LGI2: variants seen among roughly 807,000 people sequenced by gnomAD.
The protein encoded by LGI2 is leucine-rich repeat LGI family member 2.
A neutral mutation model predicts 52.0 loss-of-function variants in LGI2; 30 were observed. That is an observed-to-expected ratio of 0.58 (90% CI 0.43 to 0.78). LGI2 has a LOEUF of 0.78. LGI2 is among the 30% of genes least tolerant of loss of function. The probability of loss-of-function intolerance (pLI) is 0.00; values close to 1 mark genes in which losing one functional copy is unlikely to be tolerated. For synonymous variants in LGI2, 270 were observed against 271.8 expected (o/e 0.99, Z 0.06); for missense variants, 573 against 692.5 (o/e 0.83, Z 1.94).
intron 4 of LGI2, among the ~76,000 whole-genome samples, chr4:25,021,894 G>GCA (rs1468363409): frequency 7.3e-6 from 1 of 137,806 alleles, no homozygotes; most frequent in Non-Finnish European, 1.5e-5. Context: ...TTGCACCACT[G>GCA]CACTCCAGCC....
intron 3 of LGI2, among the ~76,000 whole-genome samples, chr4:25,026,301 A>T (rs565509560): frequency 2.0e-5 from 3 of 152,246 alleles, no homozygotes; most frequent in African/African-American, 7.2e-5. Context: ...GGCAGAAATC[A>T]GAACAAGGGC....
chr4:25,008,916 C>T lies in LGI2; in HGVS notation c.820+3419G>A, dbSNP rs368420225. 9.2e-5 allele frequency among the ~76,000 whole-genome samples: 14 copies of T among 152,318 alleles called. 1 individual carries two copies. In the East Asian group the frequency reaches 1.9e-3, roughly 21 times the overall value. On this transcript the variant is annotated intron_variant, in intron 7 of 7. Coordinates refer to ENST00000382114, the MANE Select transcript of LGI2 (RefSeq NM_018176.4). ...TGGCCCCAGCCACACCCACTCGGAT[C>T]GCACTGACTTCCTCCCCACCAGCTC...
In LGI2 at chr4:25,019,252, GTCACATTGCAATGT is replaced by G; in HGVS notation, c.414-28_414-15del. ...TTGGCCAAAGAACTAGAACAAGAAA[GTCACATTGCAATGT>G]GATTATTATCTCATGCCCTGTCACT... is the stretch of plus-strand genomic sequence containing the variant. On this transcript the variant is annotated splice_polypyrimidine_tract_variant and intron_variant, in intron 4 of 7. Coordinates refer to ENST00000382114, the MANE Select transcript of LGI2 (RefSeq NM_018176.4). 1 of 1,570,116 alleles carries G rather than the reference GTCACATTGCAATGT, an allele frequency of 6.4e-7. No individual in the cohort carries two copies. Among genetic ancestry groups the G allele is most frequent in the Non-Finnish European group, 8.7e-7 (1 of 1,143,628 alleles).
chr4:25,018,487 C>T (rs1359071801), intron 5 of LGI2, among the ~76,000 whole-genome samples: 1 of 152,212 alleles, frequency 6.6e-6, no homozygotes, highest in East Asian at 1.9e-4. Flanking sequence ...CAGCCCCCAA[C>T]AGAGGTTCTC....
intron 7 of LGI2, among the ~76,000 whole-genome samples, chr4:25,007,229 C>A (rs2324638): frequency 8.2e-4 from 122 of 149,022 alleles, no homozygotes; most frequent in Non-Finnish European, 1.3e-3. Context: ...TGTAAAATAA[C>A]GTTTCCTTTA....
At chr4:25,011,295 A>G (rs1034889602) in intron 7 of LGI2, among the ~76,000 whole-genome samples, 16 of 152,010 alleles carry the variant, frequency 1.1e-4, no homozygotes, top group African/African-American at 3.9e-4. Flanking sequence ...CAGCAGGTTC[A>G]CCTGTGCTAC....
At chr4:25,015,847 T>A (rs531941855) in intron 6 of LGI2, among the ~76,000 whole-genome samples, 1 of 152,300 alleles carries the variant, frequency 6.6e-6, no homozygotes, top group South Asian at 2.1e-4. Context: ...TGGGGGTGGA[T>A]CACAACTTTG....
chr4:25,027,352 G>C (rs1447834157), intron 2 of LGI2, among the ~76,000 whole-genome samples: 1 of 149,022 alleles, frequency 6.7e-6, no homozygotes, highest in Non-Finnish European at 1.5e-5. Context: ...GAGAAGCTAA[G>C]TGACTTGACC....
At chr4:25,005,575 GA>G (rs33975635) in intron 7 of LGI2, among the ~76,000 whole-genome samples, 51,839 of 144,894 alleles carry the variant, frequency 0.36, 9,148 homozygotes, top group East Asian at 0.43. Flanking sequence ...GTGTATCCTT[GA>G]AAAAAAAAAA....
chr4:25,020,327 C>T (rs1725915850), intron 4 of LGI2, among the ~76,000 whole-genome samples: 1 of 152,180 alleles, frequency 6.6e-6, no homozygotes, highest in Admixed American at 6.5e-5. Context: ...GTAGAATGCA[C>T]AGCATCAACT....
At chr4:25,027,164 C>G (rs6448325) in intron 2 of LGI2, among the ~76,000 whole-genome samples, 40,024 of 152,086 alleles carry the variant, frequency 0.26, 5,596 homozygotes, top group South Asian at 0.36. Flanking sequence ...CTCCAGAACT[C>G]TACTCCTTTC....
intron 6 of LGI2, among the ~76,000 whole-genome samples, chr4:25,014,200 C>T (rs996214947): frequency 2.6e-5 from 4 of 152,186 alleles, no homozygotes; most frequent in Admixed American, 2.6e-4. Flanking sequence ...CCCTACTGCA[C>T]TCTGAATTCT....
chr4:25,014,510 G>A (rs1725691133), intron 6 of LGI2, among the ~76,000 whole-genome samples: 1 of 117,332 alleles, frequency 8.5e-6, no homozygotes, highest in Non-Finnish European at 1.6e-5. Context: ...GAAGGAGGAA[G>A]AAGAGGAAGA....
Position 25,018,088 on chromosome 4 carries a change from T to G in LGI2, c.556A>C (p.Asn186His). The G allele has an allele frequency of 1.9e-6, 3 of 1,613,786 alleles. No homozygotes were observed. Among genetic ancestry groups the G allele is most frequent in the Non-Finnish European group, 2.5e-6 (3 of 1,179,906 alleles). The change falls in exon 6 of 8, where the codon AAT becomes CAT. Residue 186 changes from asparagine to histidine, a missense_variant. Transcript: ENST00000382114. ...KWLYLWLKMT[N>H]STVSDVLCIG... The stretch of plus-strand genomic sequence containing the variant: ...CACAGCACATCAGAAACGGTGGAAT[T>G]TGTCATCTTCAACCACAGGTATAGC...
At chr4:25,028,409 G>A (rs1726212992) in intron 2 of LGI2, 98 bp downstream of exon 2, 1 of 1,068,642 alleles carries the variant, frequency 9.4e-7, no homozygotes, top group South Asian at 1.4e-5. Context: ...CGGAGCTGGG[G>A]TACTTTAGGA....
At chr4:25,030,389 TG>T in intron 1 of LGI2, 107 bp downstream of exon 1, 4 of 1,196,644 alleles carry the variant, frequency 3.3e-6, no homozygotes, top group Non-Finnish European at 4.7e-6. Context: ...AGAAGGGGCC[TG>T]GGGAGTGGGT....
At position 25,002,382 on chromosome 4, in the gene LGI2, G is replaced by A. The variant is rs6841999; in HGVS notation, c.*1069C>T. 12,352 of 152,592 alleles carry A rather than the reference G, an allele frequency of 0.081. 761 individuals carry two copies. Among genetic ancestry groups the A allele is most frequent in the African/African-American group, 0.17 (6,914 of 41,514 alleles). The allele number at this position is 152,592 out of a possible 1,614,324, so 9.5% of individuals were successfully genotyped here. ...AACAGGACTGTTACACAAGCGGGGC[G>A]GAAGGCAGGTGGGCTGGCAGGGAAG... On this transcript the variant is annotated 3_prime_UTR_variant, in exon 8 of 8. Coordinates refer to ENST00000382114, the MANE Select transcript of LGI2 (RefSeq NM_018176.4).
At chr4:25,007,591 G>C (rs984795414) in intron 7 of LGI2, among the ~76,000 whole-genome samples, 43 of 81,198 alleles carry the variant, frequency 5.3e-4, no homozygotes, top group East Asian at 4.3e-3. Context: ...GTGTGTGTGT[G>C]TGTGTGTGTG....
intron 6 of LGI2, among the ~76,000 whole-genome samples, chr4:25,016,885 T>G (rs1725780444): frequency 6.6e-6 from 1 of 152,190 alleles, no homozygotes; most frequent in Non-Finnish European, 1.5e-5. Context: ...ATGTTTATTT[T>G]TATAAATTGG....
Sources: allele counts gnomAD v4.1 joint callset (sites outside exome capture counted in the v4.1 genomes callset), GRCh38; gene constraint gnomAD v4.1.1; transcripts MANE v1.5; gene names NCBI Gene and HGNC (gene_info 2026-07-23, HGNC 2026-07-21).